TMEM132D: variants seen among roughly 807,000 people sequenced by gnomAD.
TMEM132D encodes the protein transmembrane protein 132D.
Under a neutral mutation model 62.3 loss-of-function variants are expected in TMEM132D, and 21 were observed. That is an observed-to-expected ratio of 0.34 (90% CI 0.24 to 0.49). TMEM132D has a LOEUF of 0.49. Ranked by LOEUF, TMEM132D falls within the 20% of genes least tolerant of loss-of-function variation. TMEM132D has a pLI of 0.99. For synonymous variants in TMEM132D, 621 were observed against 575.6 expected, an observed-to-expected ratio of 1.08 and a Z score of -1.13; for missense variants, 1,346 against 1,402.8, an observed-to-expected ratio of 0.96 and a Z score of 0.65.
At chr12:129,408,733 T>C (rs1036771002) in intron 3 of TMEM132D, among the ~76,000 whole-genome samples, 2 of 152,180 alleles carry the variant, frequency 1.3e-5, no homozygotes, top group Admixed American at 1.3e-4. Context: ...AATAAAGGTA[T>C]GTATATATCT....
chr12:129,313,588 A>AT (rs1306394935), intron 4 of TMEM132D, among the ~76,000 whole-genome samples: 4 of 137,564 alleles, frequency 2.9e-5, no homozygotes, highest in Non-Finnish European at 4.9e-5. Flanking sequence ...TATATATATA[A>AT]GTTTCTTTAT....
chr12:129,575,486 G>A (rs1270376138), intron 2 of TMEM132D, among the ~76,000 whole-genome samples: 1 of 151,802 alleles, frequency 6.6e-6, no homozygotes, highest in Non-Finnish European at 1.5e-5. Context: ...TGATTACCGG[G>A]GCCGGTTGGT....
intron 3 of TMEM132D, among the ~76,000 whole-genome samples, chr12:129,503,989 A>G (rs546037840): frequency 0.015 from 2,057 of 138,434 alleles, 25 homozygotes; most frequent in Non-Finnish European, 0.022. Context: ...TGTCATCATC[A>G]TCATTATTGT....
chr12:129,402,602 G>A lies in TMEM132D; in HGVS notation c.1116-64785C>T, dbSNP rs138577944. Among the ~76,000 whole-genome samples, 607 of 152,230 alleles carry A rather than the reference G, an allele frequency of 4.0e-3. 4 individuals are homozygous for A. The highest frequency in any genetic ancestry group is 0.014 in the African/African-American group (576 of 41,532). On this transcript the variant is annotated intron_variant, in intron 3 of 8. Coordinates refer to ENST00000422113, the MANE Select transcript of TMEM132D (RefSeq NM_133448.3). ...CTTTCTTGTCTTGAGACAGGGTCCC[G>A]CTCTGTCACCCAGGCTGGAGTGCAG...
intron 3 of TMEM132D, among the ~76,000 whole-genome samples, chr12:129,394,303 G>C (rs972788088): frequency 6.6e-6 from 1 of 152,182 alleles, no homozygotes; most frequent in Non-Finnish European, 1.5e-5. Context: ...TTTTGTAAGA[G>C]CTGGGAATAC....
At chr12:129,176,283 C>T (rs997965632) in intron 5 of TMEM132D, among the ~76,000 whole-genome samples, 4 of 152,182 alleles carry the variant, frequency 2.6e-5, no homozygotes, top group African/African-American at 9.7e-5. Flanking sequence ...TATTTATCTC[C>T]CTGTATATCC....
At chr12:129,333,486 A>C (rs570825962) in intron 4 of TMEM132D, among the ~76,000 whole-genome samples, 2 of 152,330 alleles carry the variant, frequency 1.3e-5, no homozygotes, top group Non-Finnish European at 2.9e-5. Flanking sequence ...TTTGTTTGGG[A>C]CTAAAGCTAG....
At chr12:129,157,228 T>A (rs1003900692) in intron 5 of TMEM132D, among the ~76,000 whole-genome samples, 4 of 152,344 alleles carry the variant, frequency 2.6e-5, no homozygotes, top group African/African-American at 9.6e-5. Context: ...CTGGAGATAA[T>A]GGCATTAGTC....
At chr12:129,464,052 T>C (rs964117391) in intron 3 of TMEM132D, among the ~76,000 whole-genome samples, 4 of 150,894 alleles carry the variant, frequency 2.7e-5, no homozygotes, top group Non-Finnish European at 5.9e-5. Flanking sequence ...ATCGCCACAC[T>C]GACTTCCACA....
chr12:129,116,976 A>G (rs1875913858), intron 5 of TMEM132D, among the ~76,000 whole-genome samples: 1 of 149,254 alleles, frequency 6.7e-6, no homozygotes, highest in Non-Finnish European at 1.5e-5. Context: ...GAGCAGCTTC[A>G]TTCATAATTG....
chr12:129,613,315 A>G (rs1341971125), intron 2 of TMEM132D, among the ~76,000 whole-genome samples: 1 of 152,148 alleles, frequency 6.6e-6, no homozygotes, highest in African/African-American at 2.4e-5. Flanking sequence ...GAATTCCTGC[A>G]TTGTAACAAA....
intron 3 of TMEM132D, among the ~76,000 whole-genome samples, chr12:129,362,009 T>C (rs1203130293): frequency 1.3e-5 from 2 of 152,232 alleles, no homozygotes; most frequent in African/African-American, 4.8e-5. Context: ...CTTATTTATT[T>C]ATTTTTCTGA....
intron 3 of TMEM132D, among the ~76,000 whole-genome samples, chr12:129,452,246 A>C (rs4759571): frequency 8.5e-5 from 13 of 152,336 alleles, no homozygotes; most frequent in African/African-American, 2.4e-4. Flanking sequence ...AAAATGAATA[A>C]CATGCCGAAC....
chr12:129,903,484 C>T lies in TMEM132D; in HGVS notation c.-145G>A, dbSNP rs1593205718. The T allele has an allele frequency of 3.9e-6, 3 of 760,854 alleles. No homozygotes were observed. The highest frequency in any genetic ancestry group is 2.7e-5 in the East Asian group (1 of 36,872). 47.1% of individuals were successfully genotyped at this position (760,854 alleles called of 1,614,324 possible). ...CCCGAGCAGCCCGGGCGCCCTGCTC[C>T]CTCTTCCCGCCAGTCCATGGCCAGG... On this transcript the variant is annotated 5_prime_UTR_variant, in exon 1 of 9. Transcript: ENST00000422113. The surrounding 1 kb of genome is among the most constrained non-coding windows in gnomAD (Gnocchi z 6.2).
chr12:129,475,860 A>C (rs576607863), intron 3 of TMEM132D, among the ~76,000 whole-genome samples: 1 of 152,238 alleles, frequency 6.6e-6, no homozygotes, highest in Admixed American at 6.5e-5. Context: ...AAAAAGTTCT[A>C]GACAAAGCAA....
chr12:129,566,736 C>G (rs1400701118), intron 2 of TMEM132D, among the ~76,000 whole-genome samples: 1 of 152,152 alleles, frequency 6.6e-6, no homozygotes, highest in Non-Finnish European at 1.5e-5. Flanking sequence ...TAACTAAGAG[C>G]CTGGCACCAT....
chr12:129,117,015 T>C (rs960480237), intron 5 of TMEM132D, among the ~76,000 whole-genome samples: 3 of 151,232 alleles, frequency 2.0e-5, no homozygotes, highest in Non-Finnish European at 4.4e-5. Context: ...CAAGATATCC[T>C]TTAGTAGGTG....
At chr12:129,466,072 C>T (rs549865520) in intron 3 of TMEM132D, among the ~76,000 whole-genome samples, 11 of 152,216 alleles carry the variant, frequency 7.2e-5, no homozygotes, top group Admixed American at 1.3e-4. Flanking sequence ...AAGTAAATTG[C>T]GTGGCACATT....
chr12:129,524,386 A>G (rs1318021378), intron 3 of TMEM132D, among the ~76,000 whole-genome samples: 1 of 152,172 alleles, frequency 6.6e-6, no homozygotes, highest in Non-Finnish European at 1.5e-5. Context: ...CATATCGTAC[A>G]TGCTACTATT....
Sources: allele counts gnomAD v4.1 joint callset (sites outside exome capture counted in the v4.1 genomes callset), GRCh38; gene constraint gnomAD v4.1.1; non-coding constraint Gnocchi (gnomAD v3.1); transcripts MANE v1.5; gene names NCBI Gene and HGNC (gene_info 2026-07-23, HGNC 2026-07-21).